The following EXOC4 variants were observed in gnomAD, a reference collection of about 807,000 sequenced individuals.
EXOC4 encodes SEC8-like 1.
Under a neutral mutation model 107.2 loss-of-function variants are expected in EXOC4, and 71 were observed. The observed-to-expected ratio is 0.66, with a 90% confidence interval of 0.55 to 0.81. The LOEUF (loss-of-function observed/expected upper bound fraction) is 0.81, where lower values mean the gene tolerates loss of function less well. Ranked by LOEUF, EXOC4 falls within the 30% of genes least tolerant of loss-of-function variation. EXOC4 has a pLI of 0.00. For missense variants in EXOC4, 1,108 were observed against 1,189.6 expected, an observed-to-expected ratio of 0.93 and a Z score of 1.01; for synonymous variants, 456 against 441.2, an observed-to-expected ratio of 1.03 and a Z score of -0.42.
chr7:133,327,055 A>G (rs890056901), intron 5 of EXOC4, among the ~76,000 whole-genome samples: 3 of 152,122 alleles, frequency 2.0e-5, no homozygotes, highest in South Asian at 2.1e-4. Flanking sequence ...AGACTGTTGG[A>G]AAAGCGCAGT....
intron 7 of EXOC4, among the ~76,000 whole-genome samples, chr7:133,435,560 C>T (rs1015274628): frequency 1.3e-5 from 2 of 152,094 alleles, no homozygotes; most frequent in African/African-American, 4.8e-5. Context: ...ACATTTTGCC[C>T]CTGGAAATGT....
chr7:133,488,012 T>A (rs1033247416), intron 9 of EXOC4, among the ~76,000 whole-genome samples: 2 of 152,154 alleles, frequency 1.3e-5, no homozygotes, highest in Admixed American at 6.5e-5. Flanking sequence ...TTATGGCATA[T>A]GGTAAAGAAA....
intron 17 of EXOC4, 104 bp downstream of exon 17, chr7:134,007,939 T>TA: frequency 1.8e-6 from 2 of 1,087,546 alleles, no homozygotes; most frequent in Non-Finnish European, 2.6e-6. Context: ...AAGCTTAGTT[T>TA]AAAAAAAGAA....
At chr7:133,967,092 G>A (rs1801088245) in intron 14 of EXOC4, among the ~76,000 whole-genome samples, 2 of 152,068 alleles carry the variant, frequency 1.3e-5, no homozygotes, top group African/African-American at 4.8e-5. Context: ...ATTTCTTCTG[G>A]ATTTTCTAGT....
At chr7:133,857,110 A>ATGTG (rs573193084) in intron 11 of EXOC4, among the ~76,000 whole-genome samples, 1 of 100,872 alleles carries the variant, frequency 9.9e-6, no homozygotes, top group African/African-American at 4.2e-5. Context: ...ATATATATAT[A>ATGTG]TGTGTATATA....
chr7:133,507,290 A>G (rs1285344416), intron 9 of EXOC4, among the ~76,000 whole-genome samples: 1 of 152,200 alleles, frequency 6.6e-6, no homozygotes, highest in Non-Finnish European at 1.5e-5. Flanking sequence ...ACATGAAGTT[A>G]CAAGATTTCA....
intron 7 of EXOC4, among the ~76,000 whole-genome samples, chr7:133,463,321 G>T (rs537547011): frequency 6.6e-6 from 1 of 152,236 alleles, no homozygotes; most frequent in South Asian, 2.1e-4. Context: ...TTGAGGAGAG[G>T]TGGTAATAGA....
At position 133,855,154 on chromosome 7, in the gene EXOC4, TAA is replaced by T. The variant is rs1231911642; in HGVS notation, c.1734+37612_1734+37613del. Among the ~76,000 whole-genome samples the T allele has an allele frequency of 2.9e-4, 39 of 133,388 alleles. 1 individual carries two copies. Among genetic ancestry groups the T allele is most frequent in the African/African-American group, 1.1e-3 (36 of 32,364 alleles). The allele number at this position is 133,388 out of a possible 152,430, so 87.5% of individuals were successfully genotyped here. A position where few individuals can be genotyped will look rare whatever the true frequency, so the allele number is the denominator to read the frequency against. On this transcript the variant is annotated intron_variant, in intron 11 of 17. Transcript: ENST00000253861. ...ATATATATATATATAAATATATATA[TAA>T]ATATATATATTTTTTTTATCAGCAA... is the stretch of plus-strand genomic sequence containing the variant.
At chr7:133,679,805 T>C (rs772027140) in intron 10 of EXOC4, among the ~76,000 whole-genome samples, 4 of 152,222 alleles carry the variant, frequency 2.6e-5, no homozygotes, top group Admixed American at 1.3e-4. Flanking sequence ...AGCTAAAAGA[T>C]TGCTCATAAA....
At position 133,606,514 on chromosome 7, in the gene EXOC4, A is replaced by T. The variant is rs1027138300; in HGVS notation, c.1418-23531A>T. Among the ~76,000 whole-genome samples the T allele has an allele frequency of 1.1e-3, 153 of 142,908 alleles. 1 individual carries two copies. The highest frequency in any genetic ancestry group is 3.6e-3 in the African/African-American group (136 of 38,218). 93.8% of individuals were successfully genotyped at this position (142,908 alleles called of 152,430 possible). ...GCTGCTGTTTATTATTATTATTATTATTATTTTTTTTTTTTTTTGAGGTGG... is the reference window on the plus strand; with the variant it reads ...GCTGCTGTTTATTATTATTATTATTTTTATTTTTTTTTTTTTTTGAGGTGG... On this transcript the variant is annotated intron_variant, in intron 9 of 17. Transcript: ENST00000253861.
intron 14 of EXOC4, among the ~76,000 whole-genome samples, chr7:133,966,967 T>C (rs998195210): frequency 7.9e-5 from 12 of 152,190 alleles, no homozygotes; most frequent in Non-Finnish European, 1.8e-4. Context: ...TGCTTTTTTT[T>C]GGTGGTAGGC....
chr7:134,017,863 G>GTA (rs545019512), intron 17 of EXOC4, among the ~76,000 whole-genome samples: 12 of 151,944 alleles, frequency 7.9e-5, no homozygotes, highest in South Asian at 2.1e-4. Context: ...ACCATATTTT[G>GTA]TATATATATA....
chr7:133,927,061 C>T (rs1014303613), intron 13 of EXOC4, among the ~76,000 whole-genome samples: 2 of 151,732 alleles, frequency 1.3e-5, no homozygotes, highest in South Asian at 4.2e-4. Flanking sequence ...AAGAGGTCCT[C>T]GTACCATAGG....
intron 10 of EXOC4, among the ~76,000 whole-genome samples, chr7:133,702,389 A>G (rs1794685906): frequency 9.0e-5 from 1 of 11,076 alleles, no homozygotes; most frequent in Non-Finnish European, 1.8e-4. Flanking sequence ...CCCAAGCTGC[A>G]GTGCAGTGAT....
intron 14 of EXOC4, among the ~76,000 whole-genome samples, chr7:133,988,493 A>G (rs759957579): frequency 7.4e-4 from 113 of 152,280 alleles, no homozygotes; most frequent in Middle Eastern, 3.4e-3. Context: ...CTGGCCTTGA[A>G]TGGGGGAAAA....
intron 9 of EXOC4, among the ~76,000 whole-genome samples, chr7:133,524,579 AC>A (rs1389065234): frequency 1.3e-5 from 2 of 148,990 alleles, no homozygotes; most frequent in Non-Finnish European, 3.0e-5. Context: ...TTTAGGTCTA[AC>A]ATTTAAGTCT....
At chr7:133,510,621 C>A (rs1412638675) in intron 9 of EXOC4, among the ~76,000 whole-genome samples, 3 of 152,142 alleles carry the variant, frequency 2.0e-5, no homozygotes, top group African/African-American at 7.2e-5. Context: ...CTTTGTTTAG[C>A]AATCTAAACA....
chr7:133,308,686 T>C lies in EXOC4; in HGVS notation c.656+2625T>C, dbSNP rs143196357. ...GGAAAACAAGACCTTGGTCTGCAAGTTGAAAGAATTTAAGGTAAAATGAAT... is the reference window on the plus strand; with the variant it reads ...GGAAAACAAGACCTTGGTCTGCAAGCTGAAAGAATTTAAGGTAAAATGAAT... On this transcript the variant is annotated intron_variant, in intron 4 of 17. Coordinates refer to ENST00000253861, the MANE Select transcript of EXOC4 (RefSeq NM_021807.4). Among the ~76,000 whole-genome samples the C allele has an allele frequency of 3.3e-5, 5 of 152,246 alleles. No individual in the cohort carries two copies. The East Asian group carries it at 9.7e-4, about 29-fold the overall frequency.
intron 11 of EXOC4, among the ~76,000 whole-genome samples, chr7:133,840,545 C>G (rs1798004766): frequency 6.8e-6 from 1 of 147,036 alleles, no homozygotes; most frequent in South Asian, 2.1e-4. Flanking sequence ...CGCTCTGTCC[C>G]CCAGGCTGGA....
Sources: allele counts gnomAD v4.1 joint callset (sites outside exome capture counted in the v4.1 genomes callset), GRCh38; gene constraint gnomAD v4.1.1; transcripts MANE v1.5; gene names NCBI Gene and HGNC (gene_info 2026-07-23, HGNC 2026-07-21).